TTLL6: variants seen among roughly 807,000 people sequenced by gnomAD.
TTLL6 encodes the protein tubulin tyrosine ligase like 6, also known as tubulin polyglutamylase TTLL6.
In TTLL6, 75 loss-of-function variants were observed where a neutral mutation model predicts 96.4. The observed-to-expected ratio is 0.78, with a 90% CI of 0.65 to 0.94. The LOEUF is 0.94. Ranked by LOEUF, TTLL6 falls within the 40% of genes least tolerant of loss-of-function variation. The pLI, the probability that TTLL6 is intolerant of heterozygous loss-of-function variation, is 0.00. For missense variants in TTLL6, 1,030 were observed against 1,093.0 expected (o/e 0.94, Z 0.81); for synonymous variants, 411 against 419.4 (o/e 0.98, Z 0.24).
At chr17:48,766,555 A>T (rs1321861118) in intron 15 of TTLL6, among the ~76,000 whole-genome samples, 5 of 152,130 alleles carry the variant, frequency 3.3e-5, no homozygotes, top group Non-Finnish European at 7.3e-5. Context: ...AATGTGCTAC[A>T]TCATCCTTTT....
At chr17:48,784,311 G>A (rs756712093) in intron 13 of TTLL6, among the ~76,000 whole-genome samples, 6 of 152,048 alleles carry the variant, frequency 3.9e-5, no homozygotes, top group Admixed American at 3.3e-4. Context: ...AGGCCGAGGC[G>A]AGAGGATGGC....
intron 12 of TTLL6, among the ~76,000 whole-genome samples, chr17:48,785,403 C>A (rs1166127713): frequency 6.6e-6 from 1 of 152,150 alleles, no homozygotes; most frequent in Non-Finnish European, 1.5e-5. Flanking sequence ...GTCTCTGAGC[C>A]ACTTGAAATT....
chr17:48,796,016 T>C, intron 8 of TTLL6, 45 bp downstream of exon 8: 1 of 1,481,618 alleles, frequency 6.7e-7, no homozygotes, highest in African/African-American at 1.4e-5. Context: ...AAAGCAGTTC[T>C]GAGGTTGGTA....
intron 13 of TTLL6, among the ~76,000 whole-genome samples, chr17:48,775,946 TTAATAG>T (rs2038861785): frequency 6.6e-6 from 1 of 152,128 alleles, no homozygotes; most frequent in Non-Finnish European, 1.5e-5. Flanking sequence ...AACATCATAC[TTAATAG>T]TAAAAGATTG....
intron 13 of TTLL6, among the ~76,000 whole-genome samples, chr17:48,783,611 A>G (rs2039032180): frequency 6.6e-6 from 1 of 151,822 alleles, no homozygotes; most frequent in South Asian, 2.1e-4. Context: ...TTTGTATTTT[A>G]GTAGAGATGG....
At chr17:48,782,428 T>C (rs1471858362) in intron 13 of TTLL6, among the ~76,000 whole-genome samples, 1 of 152,192 alleles carries the variant, frequency 6.6e-6, no homozygotes, top group Non-Finnish European at 1.5e-5. Flanking sequence ...GTGCTGGGAT[T>C]ACAGGCGTGA....
chr17:48,785,349 T>C (rs508696), intron 12 of TTLL6, 148 bp from the exon 13 acceptor site: 1,078,398 of 1,171,274 alleles, frequency 0.92, 497,678 homozygotes, highest in East Asian at 0.95. Flanking sequence ...GGCTCTCAAC[T>C]TGGAATTCTG....
intron 5 of TTLL6, among the ~76,000 whole-genome samples, chr17:48,800,583 G>A (rs2039392070): frequency 1.3e-5 from 2 of 152,092 alleles, no homozygotes; most frequent in Admixed American, 1.3e-4. Context: ...TGGTGCTCTT[G>A]GTTTTGGAAA....
At chr17:48,802,106 GAAAGAAAGAA>G (rs2143447600) in intron 3 of TTLL6, among the ~76,000 whole-genome samples, 1 of 82,758 alleles carries the variant, frequency 1.2e-5, no homozygotes, top group African/African-American at 3.2e-5. Flanking sequence ...AAGAAAGAAA[GAAAGAAAGAA>G]AGAAAGAAAG....
intron 1 of TTLL6, among the ~76,000 whole-genome samples, chr17:48,808,929 G>C (rs965247348): frequency 1.3e-5 from 2 of 152,150 alleles, no homozygotes; most frequent in African/African-American, 4.8e-5. Flanking sequence ...TGATATGACT[G>C]CACCCTTCCA....
intron 9 of TTLL6, among the ~76,000 whole-genome samples, 170 bp downstream of exon 9, chr17:48,791,208 C>A (rs575515780): frequency 1.2e-4 from 19 of 152,314 alleles, no homozygotes; most frequent in East Asian, 5.8e-4. Flanking sequence ...GTCTACCCCC[C>A]TCTGGTGGCC....
At chr17:48,786,140 G>A in intron 12 of TTLL6, 24 bp downstream of exon 12, 2 of 1,613,920 alleles carry the variant, frequency 1.2e-6, no homozygotes, top group Non-Finnish European at 8.5e-7. Flanking sequence ...GTGGCTACGT[G>A]TGTTCCCCTC....
At chr17:48,801,825 A>C (rs1280934795) in intron 3 of TTLL6, among the ~76,000 whole-genome samples, 182 bp from the exon 4 acceptor site, 2 of 151,892 alleles carry the variant, frequency 1.3e-5, no homozygotes, top group Non-Finnish European at 2.9e-5. Flanking sequence ...TCACTGCATC[A>C]CTTGAGTCCA....
Position 48,787,981 on chromosome 17 carries a change from A to T in TTLL6, c.1419T>A (p.Gly473=), listed in dbSNP as rs757956820. 9 of 1,613,538 alleles carry T rather than the reference A, an allele frequency of 5.6e-6. No individual in the cohort carries two copies. The South Asian group carries it at 7.7e-5, about 14-fold the overall frequency. The change falls in exon 11 of 16, where the codon GGT becomes GGA. Residue 473 remains glycine, a synonymous_variant. Coordinates refer to ENST00000393382, the MANE Select transcript of TTLL6 (RefSeq NM_001130918.3). ...SREMRIEEAK[G]FRAVQLKKTE... ...TTTTCTTTAACTGCACGGCCCGGAA[A>T]CCCTTGGCTTCCTCAATCCTGTTGG... is the stretch of plus-strand genomic sequence containing the variant.
rs1315018046 is a variant in TTLL6, at chr17:48,804,984, C to A, written c.111G>T (p.Trp37Cys). 1.2e-5 allele frequency: 19 copies of A among 1,551,234 alleles called. No individual in the cohort carries two copies. Among genetic ancestry groups the A allele is most frequent in the Non-Finnish European group, 1.6e-5 (18 of 1,146,784 alleles). ...CCTGGGAGGAGGCTCTGGGGAAATA[C>A]CAGGCCCCTAGAGAGAGGGCAGAGG... ...RDGGVGIAGA[W>C]YFPRASSQAR... Residue 37 changes from tryptophan (W) to cysteine (C), a missense_variant, in exon 2 of 16, where the codon TGG (tryptophan) becomes TGT (cysteine). Physicochemically the swap from Trp to Cys is radical, Grantham distance 215. Transcript: ENST00000393382.
At chr17:48,814,655 C>T (rs752603693) in intron 1 of TTLL6, among the ~76,000 whole-genome samples, 1 of 152,120 alleles carries the variant, frequency 6.6e-6, no homozygotes, top group East Asian at 1.9e-4. Context: ...GGGTCCATTG[C>T]GGGTTATTTG....
chr17:48,811,313 AC>A (rs1944079986), intron 1 of TTLL6, among the ~76,000 whole-genome samples: 1 of 151,800 alleles, frequency 6.6e-6, no homozygotes, highest in Non-Finnish European at 1.5e-5. Context: ...CAGGTGATCC[AC>A]CCACCTTGGC....
chr17:48,774,096 C>CA (rs1286139436), intron 13 of TTLL6, among the ~76,000 whole-genome samples: 580 of 44,086 alleles, frequency 0.013, 16 homozygotes, highest in East Asian at 0.12. Flanking sequence ...AAAAACAAAA[C>CA]AAAAAAAAAA....
rs1329716402 is a variant in TTLL6, at chr17:48,804,797, C to G, written c.298G>C (p.Gly100Arg). The change falls in exon 2 of 16, where the codon GGC (glycine) becomes CGC (arginine). Residue 100 changes from glycine (G) to arginine (R), a missense_variant. Physicochemically the swap from Gly to Arg is moderately radical, Grantham distance 125. Transcript: ENST00000393382. ...QNGLQNAQQQ[G>R]KKKRKKKRLV... ...CTCTTTTTCTTCCTCTTCTTCTTGCCTTGCTGCTGGGCATTCTGAAGTCCG... is the reference window on the plus strand; with the variant it reads ...CTCTTTTTCTTCCTCTTCTTCTTGCGTTGCTGCTGGGCATTCTGAAGTCCG... The G allele has an allele frequency of 7.7e-6, 12 of 1,552,318 alleles. No individual in the cohort carries two copies. The highest frequency in any genetic ancestry group is 1.0e-5 in the Non-Finnish European group (12 of 1,147,130).
Sources: gnomAD v4.1 joint callset for allele counts (sites outside exome capture counted in the v4.1 genomes callset) on GRCh38, gnomAD v4.1.1 for gene constraint, MANE v1.5 for transcripts, NCBI Gene and HGNC (gene_info 2026-07-23, HGNC 2026-07-21) for gene names.